MAP3K13: variants seen among roughly 807,000 people sequenced by gnomAD.
The protein encoded by MAP3K13 is mitogen-activated protein kinase kinase kinase 13, also known as leucine zipper-bearing kinase.
Under a neutral mutation model 104.0 loss-of-function variants are expected in MAP3K13, and 52 were observed. The observed-to-expected ratio is 0.50, with a 90% CI of 0.40 to 0.63. MAP3K13 has a LOEUF of 0.63. Among genes scored for constraint, MAP3K13 ranks in the 20% least tolerant of loss-of-function variants. The pLI is 0.00. For synonymous variants in MAP3K13, 394 were observed against 442.2 expected (o/e 0.89, Z 1.37); for missense variants, 914 against 1,218.5 (o/e 0.75, Z 3.72).
At chr3:185,455,269 ATATATG>A (rs1716438501) in intron 7 of MAP3K13, among the ~76,000 whole-genome samples, 1 of 121,586 alleles carries the variant, frequency 8.2e-6, no homozygotes, top group Non-Finnish European at 1.7e-5. Flanking sequence ...TATATGAGAT[ATATATG>A]AGATATATGA....
In MAP3K13 at chr3:185,312,868, G is replaced by T. The variant is rs73887862; in HGVS notation, c.-86+27225G>T. Among the ~76,000 whole-genome samples the T allele has an allele frequency of 7.2e-3, 1,102 of 152,182 alleles. 17 individuals carry two copies. Among genetic ancestry groups the T allele is most frequent in the African/African-American group, 0.025 (1,044 of 41,516 alleles). On this transcript the variant is annotated intron_variant, in intron 2 of 14. Coordinates refer to the MAP3K13 transcript ENST00000424227. The stretch of plus-strand genomic sequence containing the variant: ...AAGTACATTTGAAAGTATGTTAGAT[G>T]AATATAAAATTCTAACAGTACATAC...
intron 2 of MAP3K13, among the ~76,000 whole-genome samples, chr3:185,324,554 C>T (rs1246175422): frequency 2.6e-5 from 4 of 152,120 alleles, no homozygotes; most frequent in African/African-American, 4.8e-5. Context: ...CAACAACCAC[C>T]CCTGCTATGA....
chr3:185,472,841 T>C (rs1280784384), intron 10 of MAP3K13, 134 bp from the exon 11 acceptor site: 1 of 820,124 alleles, frequency 1.2e-6, no homozygotes, highest in Non-Finnish European at 2.0e-6. Context: ...AGACCCCTCA[T>C]ACGTTATCTC....
intron 1 of MAP3K13, among the ~76,000 whole-genome samples, chr3:185,406,709 T>C (rs533497714): frequency 7.2e-4 from 109 of 152,344 alleles, no homozygotes; most frequent in Admixed American, 1.2e-3. Flanking sequence ...GTGAAGAAGG[T>C]CATTTAACAG....
At chr3:185,373,060 G>A (rs1280767295) in intron 1 of MAP3K13, among the ~76,000 whole-genome samples, 1 of 152,154 alleles carries the variant, frequency 6.6e-6, no homozygotes, top group African/African-American at 2.4e-5. Context: ...TTGGCTGTGT[G>A]CTGGACTTGA....
At chr3:185,430,146 AG>A (rs1219137466) in intron 2 of MAP3K13, among the ~76,000 whole-genome samples, 1 of 152,146 alleles carries the variant, frequency 6.6e-6, no homozygotes, top group Non-Finnish European at 1.5e-5. Flanking sequence ...CAGAGAGCCA[AG>A]ATCGTGCCAC....
chr3:185,478,984 G>GT (rs973645511), intron 12 of MAP3K13, among the ~76,000 whole-genome samples: 7 of 151,994 alleles, frequency 4.6e-5, no homozygotes, highest in African/African-American at 1.7e-4. Flanking sequence ...GTTTTCTTAT[G>GT]TTTTTTTAAG....
chr3:185,455,284 G>A (rs201117536), intron 7 of MAP3K13, among the ~76,000 whole-genome samples: 9 of 18,354 alleles, frequency 4.9e-4, no homozygotes, highest in South Asian at 3.6e-3. Context: ...TGAGATATAT[G>A]AGATATATAT....
At chr3:185,457,136 C>CCTG (rs79189683) in intron 7 of MAP3K13, among the ~76,000 whole-genome samples, 108,312 of 152,016 alleles carry the variant, frequency 0.71, 40,580 homozygotes, top group Non-Finnish European at 0.83. Context: ...TAAGTTGCCA[C>CCTG]AGTCGGGTTC....
intron 1 of MAP3K13, among the ~76,000 whole-genome samples, chr3:185,372,834 T>C (rs1724225965): frequency 6.6e-6 from 1 of 152,174 alleles, no homozygotes; most frequent in African/African-American, 2.4e-5. Context: ...ATAACCTTAT[T>C]ATTAATGCAG....
In MAP3K13 at chr3:185,480,521, G is replaced by A. The variant is rs1366822321; in HGVS notation, c.2791G>A (p.Gly931Ser). 1.2e-6 allele frequency: 2 copies of A among 1,612,506 alleles called. No individual in the cohort carries two copies. The highest frequency in any genetic ancestry group is 2.2e-5 in the East Asian group (1 of 44,872). The change falls in exon 13 of 14, where the codon GGC becomes AGC. Residue 931 changes from glycine (G) to serine (S), a missense_variant. By Grantham distance (56) the Gly-to-Ser change is moderately conservative. Coordinates refer to ENST00000265026, the MANE Select transcript of MAP3K13 (RefSeq NM_004721.5). ...GGGCAAGCTGTGTGTGGAGGAACGT[G>A]GCTATGAGGTGGGGGCTTCTCCCTT... ...SLGKLCVEER[G>S]YENPMQFEES...
chr3:185,356,854 G>A (rs1377267009), intron 2 of MAP3K13, among the ~76,000 whole-genome samples: 1 of 150,082 alleles, frequency 6.7e-6, no homozygotes, highest in African/African-American at 2.5e-5. Context: ...ATGATACAGA[G>A]GCAGACTTCA....
chr3:185,485,436 A>G lies in MAP3K13; in HGVS notation c.*2980A>G, dbSNP rs1718671532. The G allele has an allele frequency of 6.6e-6, 1 of 152,252 alleles. No individual in the cohort carries two copies. The highest frequency in any genetic ancestry group is 2.4e-5 in the African/African-American group (1 of 41,468). 9.4% of individuals were successfully genotyped at this position (152,252 alleles called of 1,614,324 possible). A position where few individuals can be genotyped will look rare whatever the true frequency, so the allele number is the denominator to read the frequency against. On this transcript the variant is annotated 3_prime_UTR_variant, in exon 14 of 14. Coordinates refer to ENST00000265026, the MANE Select transcript of MAP3K13 (RefSeq NM_004721.5). The stretch of plus-strand genomic sequence containing the variant: ...CCAAAAATATTTGATGGAACATTCC[A>G]GAAATAAACAATTCATAAATTTTAA...
At chr3:185,347,215 G>A (rs1722962027) in intron 2 of MAP3K13, among the ~76,000 whole-genome samples, 1 of 151,972 alleles carries the variant, frequency 6.6e-6, no homozygotes, top group African/African-American at 2.4e-5. Context: ...TTGATCTCTT[G>A]ACCTTATGAT....
chr3:185,477,210 A>G (rs1718180811), intron 11 of MAP3K13, 116 bp from the exon 12 acceptor site: 3 of 735,658 alleles, frequency 4.1e-6, no homozygotes, highest in East Asian at 5.3e-5. Flanking sequence ...TCAGCAAGCT[A>G]CTACTAAATG....
intron 1 of MAP3K13, among the ~76,000 whole-genome samples, chr3:185,399,655 A>G (rs112555299): frequency 0.013 from 12 of 928 alleles, 1 homozygote; most frequent in East Asian, 0.33. Flanking sequence ...AGGGAGGAAA[A>G]AAGGAGGGAA....
At position 185,383,040 on chromosome 3, in the gene MAP3K13, T is replaced by C. The variant is rs1434481919; in HGVS notation, c.-86+19672T>C. 4.0e-3 allele frequency among the ~76,000 whole-genome samples: 484 copies of C among 120,844 alleles called. 2 individuals carry two copies. Among genetic ancestry groups the C allele is most frequent in the Non-Finnish European group, 6.7e-3 (410 of 61,274 alleles). 79.3% of individuals were successfully genotyped at this position (120,844 alleles called of 152,430 possible). A position where few individuals can be genotyped will look rare whatever the true frequency, so the allele number is the denominator to read the frequency against. ...CCCCAACCCACAACAGTCCCCAGAG[T>C]GTGATGTTCCCCTTCCTGTGTCCAT... is the stretch of plus-strand genomic sequence containing the variant. On this transcript the variant is annotated intron_variant, in intron 1 of 13. Coordinates refer to ENST00000265026, the MANE Select transcript of MAP3K13 (RefSeq NM_004721.5).
rs1254731304 is a variant in MAP3K13, at chr3:185,363,213, A to G, written c.-241A>G. On this transcript the variant is annotated 5_prime_UTR_variant, in exon 1 of 14. Coordinates refer to ENST00000265026, the MANE Select transcript of MAP3K13 (RefSeq NM_004721.5). ...CATCCATTCATGAATCTGTGACGTC[A>G]GCAAGCCTTTGGGCTCCTTTGCGGT... 1 of 985,208 alleles carries G rather than the reference A, an allele frequency of 1.0e-6. No homozygotes were observed. The highest frequency in any genetic ancestry group is 6.1e-5 in the Admixed American group (1 of 16,268). 61.0% of individuals were successfully genotyped at this position (985,208 alleles called of 1,614,324 possible). A position where few individuals can be genotyped will look rare whatever the true frequency, so the allele number is the denominator to read the frequency against.
intron 2 of MAP3K13, among the ~76,000 whole-genome samples, chr3:185,332,965 A>G (rs571155044): frequency 1.7e-4 from 26 of 152,330 alleles, no homozygotes; most frequent in African/African-American, 6.0e-4. Context: ...AGGAACCACC[A>G]TACGTTTTCC....
Sources: gnomAD v4.1 joint callset for allele counts (sites outside exome capture counted in the v4.1 genomes callset) on GRCh38, gnomAD v4.1.1 for gene constraint, MANE v1.5 for transcripts, NCBI Gene and HGNC (gene_info 2026-07-23, HGNC 2026-07-21) for gene names.